ZFHX4: variants seen among roughly 807,000 people sequenced by gnomAD.
ZFHX4 encodes zinc finger homeobox protein 4.
In ZFHX4, 56 loss-of-function variants were observed where a neutral mutation model predicts 267.6. That is an observed-to-expected ratio of 0.21 (90% confidence interval 0.17 to 0.26). ZFHX4 has a LOEUF of 0.26. ZFHX4 is among the 10% of genes least tolerant of loss of function. The pLI is 1.00. For synonymous variants in ZFHX4, 1,778 were observed against 1,665.6 expected, an observed-to-expected ratio of 1.07 and a Z score of -1.64; for missense variants, 4,332 against 4,420.0, an observed-to-expected ratio of 0.98 and a Z score of 0.56.
At chr8:76,827,988 T>C (rs1386056781) in intron 4 of ZFHX4, among the ~76,000 whole-genome samples, 1 of 152,190 alleles carries the variant, frequency 6.6e-6, no homozygotes, top group Non-Finnish European at 1.5e-5. Flanking sequence ...TGTTGCTTGG[T>C]TACTCAAAAC....
At chr8:76,800,039 C>T (rs1401071457) in intron 4 of ZFHX4, among the ~76,000 whole-genome samples, 2 of 151,774 alleles carry the variant, frequency 1.3e-5, no homozygotes, top group Non-Finnish European at 2.9e-5. Context: ...CTTCAGAAAG[C>T]GCGTGTGTCA....
intron 4 of ZFHX4, among the ~76,000 whole-genome samples, chr8:76,800,235 A>T (rs900040726): frequency 6.6e-6 from 1 of 152,140 alleles, no homozygotes; most frequent in African/African-American, 2.4e-5. Context: ...GGCAGAAGTG[A>T]CATTCACCCT....
chr8:76,682,866 C>G (rs943201714), intron 1 of ZFHX4, among the ~76,000 whole-genome samples: 1 of 152,114 alleles, frequency 6.6e-6, no homozygotes, highest in Non-Finnish European at 1.5e-5. Flanking sequence ...CGCCGGGTCT[C>G]TCCTTCCTTC....
intron 3 of ZFHX4, among the ~76,000 whole-genome samples, chr8:76,722,641 A>AAT (rs1808753545): frequency 6.6e-6 from 1 of 150,864 alleles, no homozygotes; most frequent in South Asian, 2.1e-4. Flanking sequence ...TACCTTAGTT[A>AAT]ATATATTAGT....
At chr8:76,811,109 C>G (rs1354480262) in intron 4 of ZFHX4, among the ~76,000 whole-genome samples, 1 of 152,114 alleles carries the variant, frequency 6.6e-6, no homozygotes, top group South Asian at 2.1e-4. Context: ...AAGCTAAACC[C>G]TCATCTCACG....
At chr8:76,819,604 T>C (rs905483385) in intron 4 of ZFHX4, among the ~76,000 whole-genome samples, 4 of 152,198 alleles carry the variant, frequency 2.6e-5, no homozygotes, top group African/African-American at 9.6e-5. Context: ...TATAGGACTT[T>C]TGGTGAGACA....
At chr8:76,738,291 C>G (rs1008600156) in intron 3 of ZFHX4, among the ~76,000 whole-genome samples, 2 of 152,146 alleles carry the variant, frequency 1.3e-5, no homozygotes, top group Admixed American at 1.3e-4. Flanking sequence ...CACAGTTATG[C>G]TGATGTAACC....
Position 76,705,494 on chromosome 8 carries a change from C to T in ZFHX4, c.1406C>T (p.Pro469Leu). The T allele has an allele frequency of 4.3e-6, 7 of 1,613,554 alleles. No homozygotes were observed. Among genetic ancestry groups the T allele is most frequent in the South Asian group, 1.1e-5 (1 of 91,012 alleles). Reference sequence around the variant, plus strand: ...CCTGTCAAAAGTGAACCCACTGAACCGGGAGATGAGGATGAAGAAGATGCG... The same window carrying T: ...CCTGTCAAAAGTGAACCCACTGAACTGGGAGATGAGGATGAAGAAGATGCG... ...ECPVKSEPTEPGDEDEEDAYS... is the reference protein window; with the variant it reads ...ECPVKSEPTELGDEDEEDAYS... Residue 469 changes from proline to leucine, a missense_variant, in exon 2 of 11, where the codon CCG (proline) becomes CTG (leucine). Pro to Leu is a moderately conservative substitution (Grantham distance 98). Transcript: ENST00000651372.
intron 4 of ZFHX4, among the ~76,000 whole-genome samples, chr8:76,786,177 G>T (rs879305070): frequency 6.6e-6 from 1 of 151,878 alleles, no homozygotes; most frequent in Non-Finnish European, 1.5e-5. Context: ...AACTATTCTA[G>T]AAATTAACAC....
intron 3 of ZFHX4, among the ~76,000 whole-genome samples, chr8:76,717,565 T>G (rs1227023331): frequency 6.6e-6 from 1 of 152,188 alleles, no homozygotes; most frequent in Non-Finnish European, 1.5e-5. Context: ...TAACTATGGT[T>G]GATGTGTGTA....
chr8:76,754,851 C>T (rs572957118), intron 3 of ZFHX4, among the ~76,000 whole-genome samples: 1 of 152,276 alleles, frequency 6.6e-6, no homozygotes, highest in African/African-American at 2.4e-5. Flanking sequence ...TCCTCTTACC[C>T]TTCCCAGTGT....
In ZFHX4 at chr8:76,867,269, CTG is replaced by C. The variant is rs1252080630; in HGVS notation, c.*2706_*2707del. 3.9e-5 allele frequency: 6 copies of C among 152,564 alleles called. No individual in the cohort carries two copies. Among genetic ancestry groups the C allele is most frequent in the African/African-American group, 1.2e-4 (5 of 41,436 alleles). 9.5% of individuals were successfully genotyped at this position (152,564 alleles called of 1,614,324 possible). ...GTTGCTCATTGTGATACATTAAAAA[CTG>C]TATCTACATATTTACTATGTGTTTT... On this transcript the variant is annotated 3_prime_UTR_variant, in exon 11 of 11. Coordinates refer to ENST00000651372, the MANE Select transcript of ZFHX4 (RefSeq NM_024721.5).
chr8:76,711,377 C>A (rs2131620992), intron 3 of ZFHX4, among the ~76,000 whole-genome samples: 1 of 152,172 alleles, frequency 6.6e-6, no homozygotes, highest in South Asian at 2.1e-4. Flanking sequence ...CTGAAGATTG[C>A]CCATAATCTT....
chr8:76,807,886 A>C (rs1279707849), intron 4 of ZFHX4, among the ~76,000 whole-genome samples: 1 of 152,132 alleles, frequency 6.6e-6, no homozygotes, highest in Non-Finnish European at 1.5e-5. Context: ...GTTTTTATTC[A>C]TCCATACTAT....
At chr8:76,695,489 C>T (rs1807933145) in intron 1 of ZFHX4, among the ~76,000 whole-genome samples, 1 of 152,156 alleles carries the variant, frequency 6.6e-6, no homozygotes, top group Non-Finnish European at 1.5e-5. Context: ...ATTTAAATAA[C>T]AGTAATTATG....
At chr8:76,763,442 G>A (rs1351060506) in intron 3 of ZFHX4, among the ~76,000 whole-genome samples, 2 of 152,130 alleles carry the variant, frequency 1.3e-5, no homozygotes, top group African/African-American at 2.4e-5. Context: ...GGGCAATGTG[G>A]TAAAACCCTG....
intron 3 of ZFHX4, among the ~76,000 whole-genome samples, chr8:76,710,494 GA>G (rs1275899991): frequency 6.6e-6 from 1 of 152,046 alleles, no homozygotes; most frequent in Non-Finnish European, 1.5e-5. Flanking sequence ...CCTGAGCCTA[GA>G]AAAAAATGAT....
At chr8:76,776,795 T>A (rs561128738) in intron 3 of ZFHX4, among the ~76,000 whole-genome samples, 45 of 152,246 alleles carry the variant, frequency 3.0e-4, no homozygotes, top group East Asian at 1.9e-3. Flanking sequence ...TTTGATTTTT[T>A]AAAAAATACT....
chr8:76,821,872 T>C (rs968983940), intron 4 of ZFHX4, among the ~76,000 whole-genome samples: 1 of 152,124 alleles, frequency 6.6e-6, no homozygotes, highest in Admixed American at 6.6e-5. Flanking sequence ...AATCCCAGGC[T>C]CAATCATGGA....
Sources: allele counts gnomAD v4.1 joint callset (sites outside exome capture counted in the v4.1 genomes callset), GRCh38; gene constraint gnomAD v4.1.1; transcripts MANE v1.5; gene names NCBI Gene and HGNC (gene_info 2026-07-23, HGNC 2026-07-21).